MELK: variants seen among roughly 807,000 people sequenced by gnomAD.
MELK encodes the protein pEg3 kinase.
A neutral mutation model predicts 85.0 loss-of-function variants in MELK; 81 were observed. The ratio of observed to expected loss-of-function variants is 0.95; its 90% CI spans 0.80 to 1.15. The LOEUF is 1.15. Ranked by LOEUF, MELK falls within the 50% of genes most tolerant of loss-of-function variation. The pLI is 0.00. For missense variants in MELK, 754 were observed against 777.5 expected (o/e 0.97, Z 0.36); for synonymous variants, 252 against 265.0 (o/e 0.95, Z 0.48).
chr9:36,577,388 C>T (rs568668749), intron 1 of MELK, among the ~76,000 whole-genome samples: 6 of 152,166 alleles, frequency 3.9e-5, no homozygotes, highest in Admixed American at 3.3e-4. Flanking sequence ...TGTTGTTGTT[C>T]GCCTGTAGTC....
At chr9:36,609,291 C>A (rs1341195283) in intron 8 of MELK, among the ~76,000 whole-genome samples, 1 of 151,518 alleles carries the variant, frequency 6.6e-6, no homozygotes, top group Non-Finnish European at 1.5e-5. Flanking sequence ...GTTAAAAAAT[C>A]AAAAAAATCA....
intron 16 of MELK, 147 bp from the exon 17 acceptor site, chr9:36,674,687 T>A: frequency 4.3e-6 from 2 of 466,414 alleles, no homozygotes; most frequent in Non-Finnish European, 3.8e-6. Flanking sequence ...CACTAAGAGT[T>A]GACTGTAAAT....
intron 10 of MELK, among the ~76,000 whole-genome samples, 168 bp from the exon 11 acceptor site, chr9:36,642,829 T>C (rs1022924021): frequency 6.6e-6 from 1 of 152,210 alleles, no homozygotes; most frequent in East Asian, 1.9e-4. Context: ...ATATGCTTAC[T>C]TCTTAAAAGA....
Position 36,581,671 on chromosome 9 carries a change from G to A in MELK, c.-11G>A. On this transcript the variant is annotated 5_prime_UTR_variant, in exon 2 of 18. Coordinates refer to ENST00000298048, the MANE Select transcript of MELK (RefSeq NM_014791.4). ...TCTTTTTCTAATTCCAAATAAACTT[G>A]CAAGAGGACTATGAAAGATTATGAT... The A allele has an allele frequency of 6.4e-7, 1 of 1,564,308 alleles. No homozygotes were observed. Among genetic ancestry groups the A allele is most frequent in the African/African-American group, 1.4e-5 (1 of 73,764 alleles).
At chr9:36,655,482 G>T (rs1012185357) in intron 12 of MELK, among the ~76,000 whole-genome samples, 1 of 150,298 alleles carries the variant, frequency 6.7e-6, no homozygotes, top group African/African-American at 2.5e-5. Flanking sequence ...GAGAGAGAAC[G>T]CAAGTGAGCT....
At chr9:36,621,848 A>C (rs1271920979) in intron 8 of MELK, among the ~76,000 whole-genome samples, 2 of 152,252 alleles carry the variant, frequency 1.3e-5, no homozygotes, top group Admixed American at 6.5e-5. Flanking sequence ...ATGTACCAAC[A>C]TACAAACTTC....
chr9:36,660,536 G>A (rs1831699691), intron 13 of MELK, among the ~76,000 whole-genome samples: 1 of 151,832 alleles, frequency 6.6e-6, no homozygotes, highest in Admixed American at 6.6e-5. Context: ...TGCCCAGGCT[G>A]GTCTCAAACT....
intron 4 of MELK, among the ~76,000 whole-genome samples, chr9:36,590,184 T>C (rs1454174029): frequency 6.6e-6 from 1 of 151,954 alleles, no homozygotes; most frequent in Non-Finnish European, 1.5e-5. Context: ...CCTCCCAGAG[T>C]GCTGGGATTA....
intron 16 of MELK, among the ~76,000 whole-genome samples, chr9:36,672,142 G>A (rs1409880658): frequency 6.6e-6 from 1 of 152,172 alleles, no homozygotes; most frequent in East Asian, 1.9e-4. Flanking sequence ...AGAATGTTCT[G>A]TGATCTCATT....
intron 1 of MELK, among the ~76,000 whole-genome samples, chr9:36,576,593 G>A (rs903198160): frequency 1.3e-5 from 2 of 152,080 alleles, no homozygotes; most frequent in African/African-American, 2.4e-5. Flanking sequence ...GTGCAGTGGC[G>A]TGATCGCGGG....
chr9:36,672,874 G>A (rs1251627591), intron 16 of MELK, among the ~76,000 whole-genome samples: 2 of 152,174 alleles, frequency 1.3e-5, no homozygotes, highest in Non-Finnish European at 2.9e-5. Context: ...ACAGTCCTAA[G>A]ATTGAAAACT....
intron 8 of MELK, among the ~76,000 whole-genome samples, chr9:36,628,036 G>T (rs1828113035): frequency 6.6e-6 from 1 of 151,600 alleles, no homozygotes; most frequent in South Asian, 2.1e-4. Context: ...TGAGTAGGTG[G>T]GATTACAGAC....
At chr9:36,614,710 C>A (rs570367433) in intron 8 of MELK, among the ~76,000 whole-genome samples, 45 of 113,576 alleles carry the variant, frequency 4.0e-4, no homozygotes, top group South Asian at 1.1e-3. Flanking sequence ...TCCATTTAAC[C>A]CTGAGTGGAC....
chr9:36,615,179 C>T (rs1411546956), intron 8 of MELK, among the ~76,000 whole-genome samples: 1 of 141,638 alleles, frequency 7.1e-6, no homozygotes, highest in South Asian at 2.3e-4. Context: ...CCGGACGGGG[C>T]GGCTGGCCGG....
chr9:36,666,894 TGTGTGTGTGTGTGA>T (rs1454015754), intron 14 of MELK, among the ~76,000 whole-genome samples: 2 of 142,112 alleles, frequency 1.4e-5, no homozygotes, highest in East Asian at 2.0e-4. Flanking sequence ...TGTGTGTGTG[TGTGTGTGTGTGTGA>T]TGGTGTGTGT....
intron 14 of MELK, among the ~76,000 whole-genome samples, chr9:36,666,622 A>T (rs1160475626): frequency 6.6e-6 from 1 of 152,174 alleles, no homozygotes; most frequent in Non-Finnish European, 1.5e-5. Context: ...GAGCATTGCC[A>T]TGTGAACTGC....
At chr9:36,592,885 T>C (rs181946368) in intron 4 of MELK, among the ~76,000 whole-genome samples, 1 of 152,316 alleles carries the variant, frequency 6.6e-6, no homozygotes, top group East Asian at 1.9e-4. Context: ...CACCCCAAAG[T>C]ATAAAACATC....
intron 1 of MELK, among the ~76,000 whole-genome samples, chr9:36,578,405 GT>G (rs1278596800): frequency 1.3e-5 from 2 of 151,964 alleles, no homozygotes; most frequent in Non-Finnish European, 2.9e-5. Flanking sequence ...AATATTCTCC[GT>G]CTATTTCTTT....
At chr9:36,625,478 A>G (rs942898477) in intron 8 of MELK, among the ~76,000 whole-genome samples, 5 of 152,196 alleles carry the variant, frequency 3.3e-5, no homozygotes, top group Admixed American at 6.5e-5. Flanking sequence ...GCTGAGTCCC[A>G]GAGAGTTGGC....
Sources: gnomAD v4.1 joint callset for allele counts (sites outside exome capture counted in the v4.1 genomes callset) on GRCh38, gnomAD v4.1.1 for gene constraint, MANE v1.5 for transcripts, NCBI Gene and HGNC (gene_info 2026-07-23, HGNC 2026-07-21) for gene names.